Variants in TRMT11 observed in about 807,000 individuals in gnomAD.
TRMT11 encodes the protein tRNA (guanine(10)-N(2))-methyltransferase TRMT11.
A neutral mutation model predicts 62.8 loss-of-function variants in TRMT11; 53 were observed. That is an observed-to-expected ratio of 0.84 (90% CI 0.68 to 1.06). The LOEUF is 1.06. Ranked by LOEUF, TRMT11 falls within the 50% of genes least tolerant of loss-of-function variation. The pLI is 0.00. For missense variants in TRMT11, 556 were observed against 553.4 expected (o/e 1.00, Z -0.05); for synonymous variants, 188 against 190.3 (o/e 0.99, Z 0.10).
the TRMT11 span, among the ~76,000 whole-genome samples, chr6:126,243,358 AT>A: frequency 2.6e-5 from 4 of 152,194 alleles, no homozygotes; most frequent in Non-Finnish European, 5.9e-5. Flanking sequence ...TAGTTCAACC[AT>A]TGTGGAAGTC....
intron 12 of TRMT11, among the ~76,000 whole-genome samples, chr6:126,029,861 A>G (rs1196070412): frequency 6.6e-6 from 1 of 152,208 alleles, no homozygotes; most frequent in Non-Finnish European, 1.5e-5. Context: ...CTATGTTGTC[A>G]TGATAAGGAC....
At chr6:126,229,301 CA>C in the TRMT11 span, among the ~76,000 whole-genome samples, 2 of 152,056 alleles carry the variant, frequency 1.3e-5, no homozygotes, top group African/African-American at 2.4e-5. Context: ...TGCTAGATGC[CA>C]GGGGGAAACA....
At chr6:126,234,865 G>A in the TRMT11 span, among the ~76,000 whole-genome samples, 1 of 152,120 alleles carries the variant, frequency 6.6e-6, no homozygotes, top group Non-Finnish European at 1.5e-5. Context: ...TAAACACAAT[G>A]CATCTTTCTG....
chr6:126,000,414 A>C (rs1583658325), intron 7 of TRMT11, among the ~76,000 whole-genome samples: 1 of 152,176 alleles, frequency 6.6e-6, no homozygotes. Context: ...TAAATGTATC[A>C]GGTACTATGC....
At chr6:126,078,470 A>T (rs1002540219) in intron 17 of TRMT11, among the ~76,000 whole-genome samples, 9 of 143,206 alleles carry the variant, frequency 6.3e-5, no homozygotes, top group African/African-American at 2.3e-4. Flanking sequence ...TATTCTTTTT[A>T]AAATTCCATC....
chr6:126,184,928 G>C (rs1301503651), intron 1 of TRMT11, among the ~76,000 whole-genome samples: 1 of 152,202 alleles, frequency 6.6e-6, no homozygotes, highest in Non-Finnish European at 1.5e-5. Flanking sequence ...GTGGGATCAA[G>C]CAGAAAGGAG....
the TRMT11 span, among the ~76,000 whole-genome samples, chr6:126,271,695 C>T: frequency 6.6e-6 from 1 of 152,134 alleles, no homozygotes; most frequent in South Asian, 2.1e-4. Context: ...CAGTGACTGA[C>T]ACTGTCATGA....
chr6:126,197,453 A>G (rs1005872684), intron 1 of TRMT11, among the ~76,000 whole-genome samples: 1 of 152,240 alleles, frequency 6.6e-6, no homozygotes, highest in African/African-American at 2.4e-5. Context: ...ATCATATAAT[A>G]GGAACATTTT....
At chr6:126,148,278 C>T (rs915144707) in intron 21 of TRMT11, among the ~76,000 whole-genome samples, 2 of 152,116 alleles carry the variant, frequency 1.3e-5, no homozygotes, top group Non-Finnish European at 2.9e-5. Context: ...CCTTCAAGGC[C>T]GAGCATATCA....
At chr6:126,151,257 A>G (rs77600028) in intron 21 of TRMT11, among the ~76,000 whole-genome samples, 16 of 152,166 alleles carry the variant, frequency 1.1e-4, no homozygotes, top group Admixed American at 1.0e-3. Context: ...TTGAGAAAGA[A>G]CTATATAAAT....
chr6:126,167,006 C>A (rs993989721), intron 21 of TRMT11, among the ~76,000 whole-genome samples: 3 of 152,202 alleles, frequency 2.0e-5, no homozygotes, highest in South Asian at 2.1e-4. Flanking sequence ...GAGTGCTGTG[C>A]TGGCAGCAAG....
the TRMT11 span, among the ~76,000 whole-genome samples, chr6:126,208,914 A>G: frequency 1.3e-5 from 2 of 152,236 alleles, no homozygotes; most frequent in African/African-American, 4.8e-5. Context: ...ATAATTTACA[A>G]CACAGTTCAA....
intron 1 of TRMT11, among the ~76,000 whole-genome samples, chr6:125,988,387 G>A (rs998997484): frequency 6.6e-6 from 1 of 152,134 alleles, no homozygotes; most frequent in Non-Finnish European, 1.5e-5. Flanking sequence ...AGTTTGAAGA[G>A]GACCTAGGGT....
the TRMT11 span, among the ~76,000 whole-genome samples, chr6:126,246,530 G>C: frequency 6.6e-6 from 1 of 152,162 alleles, no homozygotes; most frequent in Non-Finnish European, 1.5e-5. Flanking sequence ...GGGTCCACCT[G>C]CATAAAGTGA....
intron 1 of TRMT11, among the ~76,000 whole-genome samples, chr6:126,190,359 C>T (rs1208062509): frequency 1.6e-4 from 24 of 152,032 alleles, no homozygotes; most frequent in Admixed American, 1.6e-3. Flanking sequence ...GGAGTGAGTT[C>T]TCATGAGAGC....
chr6:126,244,388 T>A, the TRMT11 span, among the ~76,000 whole-genome samples: 1 of 152,202 alleles, frequency 6.6e-6, no homozygotes, highest in Non-Finnish European at 1.5e-5. Flanking sequence ...ATAAGTCTCT[T>A]CTCTCTCTTC....
chr6:126,000,243 C>T (rs916360575), intron 7 of TRMT11, among the ~76,000 whole-genome samples: 25 of 152,240 alleles, frequency 1.6e-4, no homozygotes, highest in African/African-American at 6.0e-4. Flanking sequence ...CTTTTTCCTA[C>T]TTCCACTCAA....
intron 21 of TRMT11, among the ~76,000 whole-genome samples, chr6:126,147,239 T>A (rs769250261): frequency 3.3e-5 from 5 of 152,162 alleles, no homozygotes; most frequent in Non-Finnish European, 5.9e-5. Flanking sequence ...TTTTGTGGAT[T>A]TTTTCGTTCT....
At chr6:126,220,329 G>A in the TRMT11 span, among the ~76,000 whole-genome samples, 4 of 152,286 alleles carry the variant, frequency 2.6e-5, no homozygotes, top group East Asian at 1.9e-4. Flanking sequence ...ATAGACATAC[G>A]GAGAAGCAGC....
Sources: allele counts gnomAD v4.1 joint callset (sites outside exome capture counted in the v4.1 genomes callset), GRCh38; gene constraint gnomAD v4.1.1; transcripts MANE v1.5; gene names NCBI Gene and HGNC (gene_info 2026-07-23, HGNC 2026-07-21).